The following SEMA5A variants were observed in gnomAD, a reference collection of about 807,000 sequenced individuals.
SEMA5A encodes semaphorin-5A.
A neutral mutation model predicts 135.5 loss-of-function variants in SEMA5A; 55 were observed. The ratio of observed to expected loss-of-function variants is 0.41; its 90% CI spans 0.33 to 0.51. SEMA5A has a LOEUF of 0.51. SEMA5A is among the 20% of genes least tolerant of loss of function. The pLI is 0.37. For missense variants in SEMA5A, 1,290 were observed against 1,419.9 expected, an observed-to-expected ratio of 0.91 and a Z score of 1.47; for synonymous variants, 580 against 546.5, an observed-to-expected ratio of 1.06 and a Z score of -0.85.
At chr5:9,437,242 G>A (rs890205724) in intron 2 of SEMA5A, among the ~76,000 whole-genome samples, 3 of 152,158 alleles carry the variant, frequency 2.0e-5, no homozygotes, top group South Asian at 4.1e-4. Context: ...TCACGTCTTC[G>A]GGTTCCTGAG....
At chr5:9,150,560 T>C (rs1190219380) in intron 12 of SEMA5A, among the ~76,000 whole-genome samples, 1 of 152,186 alleles carries the variant, frequency 6.6e-6, no homozygotes, top group Non-Finnish European at 1.5e-5. Flanking sequence ...GAAATATTGA[T>C]CTTTTAAAAT....
chr5:9,124,892 A>T (rs1741021300), intron 13 of SEMA5A, among the ~76,000 whole-genome samples: 1 of 152,184 alleles, frequency 6.6e-6, no homozygotes, highest in South Asian at 2.1e-4. Context: ...CCTCTGCCAG[A>T]GTTCTCTTCC....
chr5:9,197,732 G>GTGTGTGTGTGTT lies in SEMA5A; in HGVS notation c.933-430_933-429insAACACACACACA, dbSNP rs1561011067. On this transcript the variant is annotated intron_variant, in intron 9 of 22. Coordinates refer to ENST00000382496, the MANE Select transcript of SEMA5A (RefSeq NM_003966.3). ...CCCAGCAGCAGGGAAAGCTGTTTGT[G>GTGTGTGTGTGTT]TGTGTGTGTGTGTGTGTGTGTGTGT... 1.7e-3 allele frequency among the ~76,000 whole-genome samples: 91 copies of GTGTGTGTGTGTT among 53,628 alleles called. 3 individuals carry two copies. The highest frequency in any genetic ancestry group is 6.3e-3 in the African/African-American group (87 of 13,896). The allele number at this position is 53,628 out of a possible 152,430, so 35.2% of individuals were successfully genotyped here. A position where few individuals can be genotyped will look rare whatever the true frequency, so the allele number is the denominator to read the frequency against.
intron 9 of SEMA5A, among the ~76,000 whole-genome samples, chr5:9,197,716 A>T (rs1345457877): frequency 9.4e-6 from 1 of 105,842 alleles, no homozygotes; most frequent in African/African-American, 3.3e-5. Flanking sequence ...GCCCAGCAGC[A>T]GGGAAAGCTG....
At chr5:9,446,588 G>A (rs1181717622) in intron 1 of SEMA5A, among the ~76,000 whole-genome samples, 1 of 151,970 alleles carries the variant, frequency 6.6e-6, no homozygotes, top group Non-Finnish European at 1.5e-5. Flanking sequence ...CAGCTAAATT[G>A]ATCAATCCTT....
chr5:9,385,277 TG>T (rs1378133732), intron 2 of SEMA5A, among the ~76,000 whole-genome samples: 2 of 152,208 alleles, frequency 1.3e-5, no homozygotes, highest in African/African-American at 4.8e-5. Flanking sequence ...GAATAGGCTT[TG>T]GGGACAGAAA....
chr5:9,118,612 C>T (rs894657747), intron 15 of SEMA5A, among the ~76,000 whole-genome samples: 2 of 152,112 alleles, frequency 1.3e-5, no homozygotes, highest in African/African-American at 4.8e-5. Context: ...TGTCTGCATC[C>T]GGGACCTTCT....
At chr5:9,380,183 G>A in intron 2 of SEMA5A, 160 bp from the exon 3 acceptor site, 1 of 511,128 alleles carries the variant, frequency 2.0e-6, no homozygotes, top group Non-Finnish European at 3.5e-6. Context: ...CATATCCCAG[G>A]TCGTGTGTGT....
At chr5:9,163,269 A>G (rs1231703998) in intron 11 of SEMA5A, among the ~76,000 whole-genome samples, 2 of 152,168 alleles carry the variant, frequency 1.3e-5, no homozygotes, top group Non-Finnish European at 2.9e-5. Flanking sequence ...TCATTTAAAA[A>G]AAAAAAGAAT....
At chr5:9,234,912 C>T (rs868705622) in intron 6 of SEMA5A, among the ~76,000 whole-genome samples, 2 of 152,138 alleles carry the variant, frequency 1.3e-5, no homozygotes, top group Non-Finnish European at 2.9e-5. Flanking sequence ...TATTACCTAT[C>T]GGTCCCAAAA....
chr5:9,239,387 C>A (rs1748081823), intron 5 of SEMA5A, among the ~76,000 whole-genome samples: 1 of 152,058 alleles, frequency 6.6e-6, no homozygotes, highest in African/African-American at 2.4e-5. Context: ...ACCAGGATGA[C>A]AAATATTTTC....
chr5:9,165,063 T>C (rs1188869901), intron 11 of SEMA5A, among the ~76,000 whole-genome samples: 3 of 152,144 alleles, frequency 2.0e-5, no homozygotes, highest in African/African-American at 7.2e-5. Flanking sequence ...AGTATTTACG[T>C]GAAAGTCCCT....
intron 8 of SEMA5A, among the ~76,000 whole-genome samples, chr5:9,211,582 T>C (rs964192663): frequency 5.3e-5 from 8 of 152,142 alleles, no homozygotes; most frequent in Non-Finnish European, 1.2e-4. Context: ...ACCCTAGCTG[T>C]GCTCAGGCTG....
intron 8 of SEMA5A, among the ~76,000 whole-genome samples, chr5:9,206,637 TA>T (rs532385947): frequency 2.8e-4 from 42 of 152,164 alleles, no homozygotes; most frequent in African/African-American, 8.2e-4. Context: ...GTTCTTGATA[TA>T]AAAATATTTG....
intron 3 of SEMA5A, among the ~76,000 whole-genome samples, chr5:9,361,018 G>C (rs1004509669): frequency 6.6e-6 from 1 of 152,108 alleles, no homozygotes; most frequent in Non-Finnish European, 1.5e-5. Context: ...CTCAAGTCTG[G>C]CCAGGCGCAG....
In SEMA5A at chr5:9,489,858, C is replaced by T. The variant is rs574936047; in HGVS notation, c.-174-52006G>A. Among the ~76,000 whole-genome samples the T allele has an allele frequency of 2.7e-3, 410 of 152,202 alleles. 2 individuals are homozygous for T. Among genetic ancestry groups the T allele is most frequent in the Middle Eastern group, 0.014 (4 of 294 alleles). ...TGACTTCAAGTACCACTCAAAATTT[C>T]TAATCTTTGGCTATGTGATGTCAAA... is the stretch of plus-strand genomic sequence containing the variant. On this transcript the variant is annotated intron_variant, in intron 1 of 22. Transcript: ENST00000382496.
chr5:9,320,716 TCAA>T lies in SEMA5A; in HGVS notation c.225-2302_225-2300del, dbSNP rs1201247072. On this transcript the variant is annotated intron_variant, in intron 4 of 22. Transcript: ENST00000382496. ...CTGGGTGACAGAGAGAGATCCTGTC[TCAA>T]CAACAACAAAAAGTCCTTTTCAGAG... 2.6e-5 allele frequency among the ~76,000 whole-genome samples: 4 copies of T among 152,210 alleles called. No individual in the cohort carries two copies. In the East Asian group the frequency reaches 7.8e-4, roughly 30 times the overall value.
chr5:9,166,796 C>T (rs1461789155), intron 11 of SEMA5A, among the ~76,000 whole-genome samples: 1 of 152,224 alleles, frequency 6.6e-6, no homozygotes, highest in Admixed American at 6.5e-5. Flanking sequence ...CCTTTCTAAA[C>T]TCTCATCTAA....
At chr5:9,161,284 C>A (rs1431244286) in intron 11 of SEMA5A, among the ~76,000 whole-genome samples, 2 of 152,148 alleles carry the variant, frequency 1.3e-5, no homozygotes, top group Admixed American at 1.3e-4. Context: ...CAATTAGGAT[C>A]CCCACAAAAA....
Sources: allele counts gnomAD v4.1 joint callset (sites outside exome capture counted in the v4.1 genomes callset), GRCh38; gene constraint gnomAD v4.1.1; transcripts MANE v1.5; gene names NCBI Gene and HGNC (gene_info 2026-07-23, HGNC 2026-07-21).